KIRREL3: variants seen among roughly 807,000 people sequenced by gnomAD.
The protein encoded by KIRREL3 is kirre like nephrin family adhesion molecule 3.
In KIRREL3, 36 loss-of-function variants were observed where a neutral mutation model predicts 89.7. The observed-to-expected ratio is 0.40, with a 90% CI of 0.31 to 0.53. KIRREL3 has a LOEUF of 0.53. KIRREL3 is among the 20% of genes least tolerant of loss of function. The probability of loss-of-function intolerance (pLI) is 0.49; values close to 1 mark genes in which losing one functional copy is unlikely to be tolerated. For missense variants in KIRREL3, 864 were observed against 1,056.6 expected (o/e 0.82, Z 2.53); for synonymous variants, 445 against 441.4 (o/e 1.01, Z -0.10).
chr11:126,815,592 GGC>G (rs1262805716), intron 1 of KIRREL3, among the ~76,000 whole-genome samples: 1 of 152,114 alleles, frequency 6.6e-6, no homozygotes, highest in Non-Finnish European at 1.5e-5. Context: ...GGAGTGCAGT[GGC>G]GCGATCTCGG....
rs976213582 is a variant in KIRREL3, at chr11:126,576,595, C to G, written c.56-13683G>C. ...CCTCAGCATCTCCATCTTCAAAATG[C>G]TGTCACCAAACCCTCTCTCAGGCTG... On this transcript the variant is annotated intron_variant, in intron 1 of 16. Coordinates refer to ENST00000525144, the MANE Select transcript of KIRREL3 (RefSeq NM_032531.4). This position sits in a 1 kb window ranked among gnomAD's most constrained non-coding sequence, Gnocchi z 5.4. 6.6e-6 allele frequency among the ~76,000 whole-genome samples: 1 copy of G among 152,226 alleles called. No individual in the cohort carries two copies. The highest frequency in any genetic ancestry group is 1.5e-5 in the Non-Finnish European group (1 of 68,044).
intron 1 of KIRREL3, among the ~76,000 whole-genome samples, chr11:126,871,742 G>A (rs764857800): frequency 1.3e-5 from 2 of 152,128 alleles, no homozygotes; most frequent in African/African-American, 4.8e-5. Context: ...GTCTTTCTTG[G>A]GTCAGGAGCA....
intron 1 of KIRREL3, among the ~76,000 whole-genome samples, chr11:126,825,205 G>A (rs1943365388): frequency 6.6e-6 from 1 of 152,090 alleles, no homozygotes; most frequent in Non-Finnish European, 1.5e-5. Context: ...CGAAGCGCTT[G>A]GGCATAAAAT....
chr11:126,798,109 T>C (rs991745147), intron 1 of KIRREL3, among the ~76,000 whole-genome samples: 3 of 152,124 alleles, frequency 2.0e-5, no homozygotes, highest in African/African-American at 7.2e-5. Context: ...AGGAAAGATG[T>C]TCCTGTGCCT....
Position 126,909,756 on chromosome 11 carries a change from T to C in KIRREL3, c.55+90699A>G, listed in dbSNP as rs1946738173. 6.6e-6 allele frequency among the ~76,000 whole-genome samples: 1 copy of C among 152,182 alleles called. No homozygotes were observed. The highest frequency in any genetic ancestry group is 2.4e-5 in the African/African-American group (1 of 41,444). On this transcript the variant is annotated intron_variant, in intron 1 of 16. Transcript: ENST00000525144. The surrounding 1 kb of genome is among the most constrained non-coding windows in gnomAD (Gnocchi z 4.5). ...TTTGCCATCATTGTCTCAGCTTTCA[T>C]GAAAACAGTTGTGCATGAGGCTGAA...
At chr11:126,442,225 C>T (rs1408879771) in intron 10 of KIRREL3, among the ~76,000 whole-genome samples, 2 of 146,422 alleles carry the variant, frequency 1.4e-5, no homozygotes, top group South Asian at 2.2e-4. Context: ...TGCGCCACTG[C>T]ACTCCAGCCT....
At chr11:126,861,389 A>C (rs1380236437) in intron 1 of KIRREL3, among the ~76,000 whole-genome samples, 1 of 151,878 alleles carries the variant, frequency 6.6e-6, no homozygotes, top group African/African-American at 2.4e-5. Context: ...AGACTCAGCT[A>C]CTCTCTTAGA....
intron 1 of KIRREL3, among the ~76,000 whole-genome samples, chr11:126,693,072 C>T (rs970134117): frequency 6.6e-6 from 1 of 152,216 alleles, no homozygotes; most frequent in Admixed American, 6.5e-5. Context: ...GACCAGCCAC[C>T]CTCTAGGTGA....
Position 126,608,553 on chromosome 11 carries a change from C to T in KIRREL3, c.56-45641G>A, listed in dbSNP as rs1357798124. Among the ~76,000 whole-genome samples the T allele has an allele frequency of 6.6e-6, 1 of 150,584 alleles. No homozygotes were observed. Among genetic ancestry groups the T allele is most frequent in the East Asian group, 1.9e-4 (1 of 5,190 alleles). On this transcript the variant is annotated intron_variant, in intron 1 of 16. Coordinates refer to ENST00000525144, the MANE Select transcript of KIRREL3 (RefSeq NM_032531.4). The surrounding 1 kb of genome is among the most constrained non-coding windows in gnomAD (Gnocchi z 4.9). The stretch of plus-strand genomic sequence containing the variant: ...AACTCCCCTCCTCTTCCCTCCTCTC[C>T]CCTCCCCAAATGGCTCCCTTAATCA...
chr11:126,726,794 G>A (rs1189363610), intron 1 of KIRREL3, among the ~76,000 whole-genome samples: 3 of 152,166 alleles, frequency 2.0e-5, no homozygotes, highest in African/African-American at 7.2e-5. Flanking sequence ...AATGTGTTGA[G>A]CATGCCATGC....
Position 126,897,710 on chromosome 11 carries a change from C to T in KIRREL3, c.55+102745G>A, listed in dbSNP as rs370885702. On this transcript the variant is annotated intron_variant, in intron 1 of 16. Coordinates refer to ENST00000525144, the MANE Select transcript of KIRREL3 (RefSeq NM_032531.4). This position sits in a 1 kb window ranked among gnomAD's most constrained non-coding sequence, Gnocchi z 4.2. ...TAAATCTTTTCCACTTTGATTTCAT[C>T]TCCAGTTTCGGACGAGCAGCAGTAC... Among the ~76,000 whole-genome samples the T allele has an allele frequency of 1.4e-4, 22 of 152,336 alleles. No individual in the cohort carries two copies. The East Asian group carries it at 4.1e-3, about 28-fold the overall frequency.
At position 126,424,709 on chromosome 11, in the gene KIRREL3, C is replaced by T; in HGVS notation, c.2208G>A (p.Lys736=). Residue 736 remains lysine, a synonymous_variant, in exon 17 of 17, where the codon AAG becomes AAA. Coordinates refer to ENST00000525144, the MANE Select transcript of KIRREL3 (RefSeq NM_032531.4). ...TGTCGAACTGCACATAGCCATCCTG[C>T]TTGCCGCTGCTGCTGACGCTGCTGT... The part of the protein sequence containing the change: ...QCDSSVSSSG[K]QDGYVQFDKA... 6.2e-7 allele frequency: 1 copy of T among 1,614,056 alleles called. No homozygotes were observed. The highest frequency in any genetic ancestry group is 2.2e-5 in the East Asian group (1 of 44,880).
chr11:126,744,565 T>C lies in KIRREL3; in HGVS notation c.56-181653A>G, dbSNP rs1158406936. Among the ~76,000 whole-genome samples, 2 of 152,070 alleles carry C rather than the reference T, an allele frequency of 1.3e-5. No homozygotes were observed. The highest frequency in any genetic ancestry group is 4.1e-4 in the South Asian group (2 of 4,826). ...GCAGCAGAGACCTCAATTTTCAAAG[T>C]GTGTATCTGGAACAATACAGAACAG... is the stretch of plus-strand genomic sequence containing the variant. On this transcript the variant is annotated intron_variant, in intron 1 of 16. Transcript: ENST00000525144. This position sits in a 1 kb window ranked among gnomAD's most constrained non-coding sequence, Gnocchi z 4.7.
rs1246765425 is a variant in KIRREL3 at position 126,923,129 on chromosome 11, C to CTCCTCCTTCTTCTTCTTCTTCTTCTTCT, written c.55+77325_55+77326insAGAAGAAGAAGAAGAAGAAGAAGGAGGA. Among the ~76,000 whole-genome samples the CTCCTCCTTCTTCTTCTTCTTCTTCTTCT allele has an allele frequency of 1.6e-4, 4 of 25,732 alleles. 1 individual carries two copies. Among genetic ancestry groups the CTCCTCCTTCTTCTTCTTCTTCTTCTTCT allele is most frequent in the African/African-American group, 5.8e-4 (3 of 5,148 alleles). 16.9% of individuals were successfully genotyped at this position (25,732 alleles called of 152,430 possible). ...CCTTCTCCTTCTCCTTCTCCTTCTTCTCTTCTTCTTCTTCTTCTTCTTCTT... is the reference window on the plus strand; with the variant it reads ...CCTTCTCCTTCTCCTTCTCCTTCTTCTCCTCCTTCTTCTTCTTCTTCTTCTTCTTCTTCTTCTTCTTCTTCTTCTTCTT... On this transcript the variant is annotated intron_variant, in intron 1 of 16. Coordinates refer to ENST00000525144, the MANE Select transcript of KIRREL3 (RefSeq NM_032531.4).
In KIRREL3 at chr11:126,674,761, T is replaced by C. The variant is rs145355795; in HGVS notation, c.56-111849A>G. On this transcript the variant is annotated intron_variant, in intron 1 of 16. Transcript: ENST00000525144. Reference sequence around the variant, plus strand: ...GCTAAGAATTTTAAATTGTACTTAATTGCTGGTCACAGTCAATGGATTCTA... The same window carrying C: ...GCTAAGAATTTTAAATTGTACTTAACTGCTGGTCACAGTCAATGGATTCTA... 3.2e-4 allele frequency among the ~76,000 whole-genome samples: 48 copies of C among 152,334 alleles called. No individual in the cohort carries two copies. In the East Asian group the frequency reaches 8.7e-3, roughly 28 times the overall value.
rs1034779808 is a variant in KIRREL3 at position 126,872,947 on chromosome 11, A to G, written c.55+127508T>C. ...CTGGAGGTCAAGTCCTTCTCCCATA[A>G]TCACTTGGATGGAAAATTAAAGCAG... On this transcript the variant is annotated intron_variant, in intron 1 of 16. Transcript: ENST00000525144. This position sits in a 1 kb window ranked among gnomAD's most constrained non-coding sequence, Gnocchi z 4.2. Among the ~76,000 whole-genome samples the G allele has an allele frequency of 6.6e-6, 1 of 152,168 alleles. No individual in the cohort carries two copies. Among genetic ancestry groups the G allele is most frequent in the Non-Finnish European group, 1.5e-5 (1 of 68,030 alleles).
intron 1 of KIRREL3, among the ~76,000 whole-genome samples, chr11:126,591,400 G>A (rs566054585): frequency 1.3e-5 from 2 of 152,194 alleles, no homozygotes; most frequent in African/African-American, 4.8e-5. Context: ...GTGTGTTCTG[G>A]TGGGAGGTTT....
intron 1 of KIRREL3, among the ~76,000 whole-genome samples, chr11:126,916,956 G>A (rs1039264664): frequency 6.6e-6 from 1 of 152,156 alleles, no homozygotes; most frequent in African/African-American, 2.4e-5. Flanking sequence ...CTGTTTCTGC[G>A]GGGACAGTTG....
rs1184065469 is a variant in KIRREL3, at chr11:126,811,131, G to A, written c.55+189324C>T. Among the ~76,000 whole-genome samples the A allele has an allele frequency of 6.6e-6, 1 of 152,174 alleles. No homozygotes were observed. Among genetic ancestry groups the A allele is most frequent in the Non-Finnish European group, 1.5e-5 (1 of 68,038 alleles). On this transcript the variant is annotated intron_variant, in intron 1 of 16. Coordinates refer to ENST00000525144, the MANE Select transcript of KIRREL3 (RefSeq NM_032531.4). The surrounding 1 kb of genome is among the most constrained non-coding windows in gnomAD (Gnocchi z 4.3). Reference sequence around the variant, plus strand: ...TGTTGACATCCCCTTCTAAGCTCCCGCAGCAGCCAGGCTCTTAAGCAGCCA... The same window carrying A: ...TGTTGACATCCCCTTCTAAGCTCCCACAGCAGCCAGGCTCTTAAGCAGCCA...
Sources: allele counts gnomAD v4.1 joint callset (sites outside exome capture counted in the v4.1 genomes callset), GRCh38; gene constraint gnomAD v4.1.1; non-coding constraint Gnocchi (gnomAD v3.1); transcripts MANE v1.5; gene names NCBI Gene and HGNC (gene_info 2026-07-23, HGNC 2026-07-21).